The following PTPRD variants were observed in gnomAD, a reference collection of about 807,000 sequenced individuals.
PTPRD encodes the protein receptor-type tyrosine-protein phosphatase delta.
PTPRD carries 34 observed loss-of-function variants against 214.5 expected under a neutral mutation model. That is an observed-to-expected ratio of 0.16 (90% CI 0.12 to 0.21). The LOEUF (loss-of-function observed/expected upper bound fraction) is 0.21. Among genes scored for constraint, PTPRD ranks in the 10% least tolerant of loss-of-function variants. The pLI is 1.00. For missense variants in PTPRD, 2,545 were observed against 2,398.7 expected (o/e 1.06, Z -1.27); for synonymous variants, 1,128 against 845.7 (o/e 1.33, Z -5.79).
intron 5 of PTPRD, among the ~76,000 whole-genome samples, chr9:9,849,704 C>G (rs1357288758): frequency 2.0e-5 from 3 of 152,106 alleles, no homozygotes; most frequent in Non-Finnish European, 4.4e-5. Flanking sequence ...TCAGTCCCCA[C>G]TGAATCAGTG....
intron 8 of PTPRD, among the ~76,000 whole-genome samples, chr9:9,411,428 T>C (rs760172912): frequency 6.6e-6 from 1 of 152,164 alleles, no homozygotes; most frequent in African/African-American, 2.4e-5. Flanking sequence ...TGTGTGGAAA[T>C]AGTGCCTATG....
At chr9:9,408,683 A>T (rs751107952) in intron 8 of PTPRD, among the ~76,000 whole-genome samples, 31 of 152,010 alleles carry the variant, frequency 2.0e-4, no homozygotes, top group Non-Finnish European at 3.2e-4. Flanking sequence ...ATCAGACAGA[A>T]CATTGTTTGA....
chr9:10,217,437 G>C (rs1277793280), intron 3 of PTPRD, among the ~76,000 whole-genome samples: 1 of 151,836 alleles, frequency 6.6e-6, no homozygotes, highest in Non-Finnish European at 1.5e-5. Context: ...CTGAGATCTT[G>C]AAAGAGGGAT....
At chr9:10,166,619 T>A (rs1438378639) in intron 3 of PTPRD, among the ~76,000 whole-genome samples, 1 of 152,010 alleles carries the variant, frequency 6.6e-6, no homozygotes, top group East Asian at 1.9e-4. Context: ...AAGCTATTCA[T>A]CAGCATAAAC....
chr9:9,848,951 T>C (rs893321025), intron 5 of PTPRD, among the ~76,000 whole-genome samples: 7 of 152,020 alleles, frequency 4.6e-5, no homozygotes, highest in African/African-American at 1.4e-4. Context: ...ACATATTTAT[T>C]GAATAATCCA....
At chr9:10,380,670 C>T (rs111628548) in intron 2 of PTPRD, among the ~76,000 whole-genome samples, 224 of 152,016 alleles carry the variant, frequency 1.5e-3, no homozygotes, top group African/African-American at 4.6e-3. Context: ...CTGAAGTCCA[C>T]GGAACAAAAT....
intron 5 of PTPRD, among the ~76,000 whole-genome samples, chr9:9,924,024 C>T (rs2083428440): frequency 6.6e-6 from 1 of 151,918 alleles, no homozygotes; most frequent in African/African-American, 2.4e-5. Flanking sequence ...TTGAAATCAT[C>T]ACTAACAACT....
intron 3 of PTPRD, among the ~76,000 whole-genome samples, chr9:10,257,338 A>C (rs1055399891): frequency 6.6e-6 from 1 of 152,110 alleles, no homozygotes; most frequent in Non-Finnish European, 1.5e-5. Context: ...TATGTACTTG[A>C]CCTCTAACTG....
intron 3 of PTPRD, among the ~76,000 whole-genome samples, chr9:10,328,695 A>T (rs2096692670): frequency 6.6e-6 from 1 of 151,836 alleles, no homozygotes; most frequent in Admixed American, 6.6e-5. Flanking sequence ...TTCAGATGGG[A>T]ATGAATTCAT....
At chr9:10,079,786 A>T (rs1055142784) in intron 3 of PTPRD, among the ~76,000 whole-genome samples, 1 of 152,174 alleles carries the variant, frequency 6.6e-6, no homozygotes, top group African/African-American at 2.4e-5. Flanking sequence ...CAGCAAATGC[A>T]AAGTCATTCT....
chr9:9,852,297 AT>A (rs2060698278), intron 5 of PTPRD, among the ~76,000 whole-genome samples: 1 of 152,170 alleles, frequency 6.6e-6, no homozygotes, highest in African/African-American at 2.4e-5. Flanking sequence ...AGAATTTTGA[AT>A]AAAAAATTCT....
intron 11 of PTPRD, among the ~76,000 whole-genome samples, chr9:8,839,252 A>G (rs1314164991): frequency 6.6e-6 from 1 of 152,200 alleles, no homozygotes; most frequent in Non-Finnish European, 1.5e-5. Context: ...TGTTTTGCCT[A>G]TTAAATGAAC....
intron 2 of PTPRD, among the ~76,000 whole-genome samples, chr9:10,604,067 A>G (rs1359678790): frequency 2.6e-5 from 4 of 151,858 alleles, no homozygotes; most frequent in Non-Finnish European, 5.9e-5. Context: ...GAAGTTAAAA[A>G]ACATAGGCAG....
intron 35 of PTPRD, among the ~76,000 whole-genome samples, chr9:8,412,883 T>G (rs1005776025): frequency 6.6e-6 from 1 of 152,188 alleles, no homozygotes; most frequent in Non-Finnish European, 1.5e-5. Context: ...GTTCTCACTT[T>G]TTGCATTTCA....
chr9:9,349,137 A>G (rs1038790485), intron 9 of PTPRD, among the ~76,000 whole-genome samples: 1 of 152,116 alleles, frequency 6.6e-6, no homozygotes, highest in African/African-American at 2.4e-5. Flanking sequence ...GTTTAAGAAA[A>G]AATAATTCAC....
At chr9:8,953,943 T>G (rs1228375717) in intron 11 of PTPRD, among the ~76,000 whole-genome samples, 1 of 151,940 alleles carries the variant, frequency 6.6e-6, no homozygotes, top group Non-Finnish European at 1.5e-5. Context: ...GGGGATTTCT[T>G]AGAGAACTTA....
At position 10,207,866 on chromosome 9, in the gene PTPRD, G is replaced by GA. The variant is rs199960955; in HGVS notation, c.-545+133096dup. On this transcript the variant is annotated intron_variant, in intron 3 of 45. Coordinates refer to ENST00000381196, the MANE Select transcript of PTPRD (RefSeq NM_002839.4). ...TGGAAGCAAAACAACAACAACAACAGAAAAAAAATAAAAACTAATTTTTAA... is the reference window on the plus strand; with the variant it reads ...TGGAAGCAAAACAACAACAACAACAGAAAAAAAAATAAAAACTAATTTTTAA... 3.5e-3 allele frequency among the ~76,000 whole-genome samples: 523 copies of GA among 151,218 alleles called. 3 individuals are homozygous for GA. The highest frequency in any genetic ancestry group is 0.012 in the African/African-American group (487 of 41,204).
Position 8,803,979 on chromosome 9 carries a change from G to T in PTPRD, c.-103-70033C>A, listed in dbSNP as rs1376922133. On this transcript the variant is annotated intron_variant, in intron 11 of 45. Coordinates refer to ENST00000381196, the MANE Select transcript of PTPRD (RefSeq NM_002839.4). ...TTCCCTCCACCCCCCCACAGACGGA[G>T]TCTCGCTCTGTTGCCCAGGCTGGAG... Among the ~76,000 whole-genome samples the T allele has an allele frequency of 7.9e-5, 12 of 151,774 alleles. 1 individual carries two copies. Among genetic ancestry groups the T allele is most frequent in the Non-Finnish European group, 1.5e-5 (1 of 67,980 alleles).
intron 39 of PTPRD, among the ~76,000 whole-genome samples, chr9:8,357,636 G>C (rs1049358977): frequency 2.0e-5 from 3 of 152,156 alleles, no homozygotes; most frequent in Non-Finnish European, 4.4e-5. Context: ...CAAGGAAAAT[G>C]AAGTTTTTTT....
Sources: allele counts gnomAD v4.1 joint callset (sites outside exome capture counted in the v4.1 genomes callset), GRCh38; gene constraint gnomAD v4.1.1; transcripts MANE v1.5; gene names NCBI Gene and HGNC (gene_info 2026-07-23, HGNC 2026-07-21).